The following TACC2 variants were observed in gnomAD, a reference collection of about 807,000 sequenced individuals.
TACC2 encodes transforming acidic coiled-coil containing protein 2.
In TACC2, 137 loss-of-function variants were observed where a neutral mutation model predicts 227.3. The ratio of observed to expected loss-of-function variants is 0.60; its 90% CI spans 0.52 to 0.69. TACC2 has a LOEUF of 0.69. TACC2 is among the 30% of genes least tolerant of loss of function. TACC2 has a pLI of 0.00. For missense variants in TACC2, 3,470 were observed against 3,694.4 expected (o/e 0.94, Z 1.57); for synonymous variants, 1,523 against 1,487.5 (o/e 1.02, Z -0.55).
chr10:121,993,523 T>C (rs893249147), intron 1 of TACC2, among the ~76,000 whole-genome samples: 1 of 152,242 alleles, frequency 6.6e-6, no homozygotes, highest in African/African-American at 2.4e-5. Context: ...TATTATAATG[T>C]AGCACATTGT....
rs541644002 is a variant in TACC2 at position 122,058,432 on chromosome 10, C to T, written c.146+7882C>T. On this transcript the variant is annotated intron_variant, in intron 3 of 22. Transcript: ENST00000369005. The stretch of plus-strand genomic sequence containing the variant: ...TATTATATATTTATTTATTTAGAGA[C>T]GGAGTCTCACTCTGTCGCCAGACAG... Among the ~76,000 whole-genome samples, 11 of 152,252 alleles carry T rather than the reference C, an allele frequency of 7.2e-5. No homozygotes were observed. In the South Asian group the frequency reaches 1.9e-3, roughly 26 times the overall value.
intron 5 of TACC2, among the ~76,000 whole-genome samples, chr10:122,113,802 C>T (rs1419297293): frequency 2.6e-5 from 4 of 152,234 alleles, no homozygotes; most frequent in Non-Finnish European, 5.9e-5. Flanking sequence ...CTTCGGGGAT[C>T]CGGCGCAACA....
rs760229129 is a variant in TACC2 at position 122,084,376 on chromosome 10, G to A, written c.1876G>A (p.Asp626Asn). The change falls in exon 4 of 23, where the codon GAC becomes AAC. Residue 626 changes from aspartate to asparagine, a missense_variant. Physicochemically the swap from Asp to Asn is conservative, Grantham distance 23. Coordinates refer to ENST00000369005, the MANE Select transcript of TACC2 (RefSeq NM_206862.4). ...SKPSSDAESR[D>N]HPSSHSAQPP... The stretch of plus-strand genomic sequence containing the variant: ...GCCAAGCAGTGATGCAGAGAGCAGA[G>A]ACCATCCCAGCTCACACTCAGCACA... 8 of 1,613,284 alleles carry A rather than the reference G, an allele frequency of 5.0e-6. No homozygotes were observed. The highest frequency in any genetic ancestry group is 2.2e-5 in the South Asian group (2 of 91,084).
intron 2 of TACC2, among the ~76,000 whole-genome samples, chr10:122,042,229 G>A (rs1036717995): frequency 4.6e-5 from 7 of 152,016 alleles, no homozygotes; most frequent in African/African-American, 9.7e-5. Flanking sequence ...ACAGGCGTAA[G>A]CCACTGCACA....
At chr10:122,224,828 C>T in intron 12 of TACC2, 41 bp downstream of exon 12, 1 of 1,566,716 alleles carries the variant, frequency 6.4e-7, no homozygotes, top group African/African-American at 1.4e-5. Flanking sequence ...GACTCGCTTT[C>T]CTGCCTTCAG....
intron 5 of TACC2, among the ~76,000 whole-genome samples, chr10:122,119,095 A>G (rs555243751): frequency 9.8e-5 from 15 of 152,294 alleles, no homozygotes; most frequent in Middle Eastern, 3.4e-3. Context: ...CATCTTGCCA[A>G]TCTGAACGAC....
intron 5 of TACC2, among the ~76,000 whole-genome samples, chr10:122,118,015 CTTTTTTTT>C (rs902640167): frequency 5.1e-5 from 7 of 138,556 alleles, no homozygotes; most frequent in Non-Finnish European, 7.9e-5. Flanking sequence ...TTCTCTTTTT[CTTTTTTTT>C]TTTTTTTTGA....
chr10:122,072,899 G>A (rs1378633611), intron 3 of TACC2, among the ~76,000 whole-genome samples: 2 of 151,848 alleles, frequency 1.3e-5, no homozygotes, highest in African/African-American at 4.8e-5. Flanking sequence ...AGATCATGAG[G>A]TCAGGAGATG....
intron 7 of TACC2, among the ~76,000 whole-genome samples, chr10:122,172,731 G>A (rs1407347022): frequency 2.6e-5 from 4 of 152,132 alleles, no homozygotes; most frequent in African/African-American, 7.2e-5. Context: ...GTCCTGGGGC[G>A]CAGGGCTGCT....
chr10:122,246,454 C>G (rs1250661829), intron 19 of TACC2: 2 of 152,206 alleles, frequency 1.3e-5, no homozygotes, highest in East Asian at 3.9e-4. Flanking sequence ...ACAAAATCTC[C>G]CTGCTACTAA....
chr10:122,070,047 TA>T (rs1344110322), intron 3 of TACC2, among the ~76,000 whole-genome samples: 1 of 152,142 alleles, frequency 6.6e-6, no homozygotes. Context: ...CAGTTTAGAT[TA>T]ATGGGATTAC....
chr10:121,997,865 A>G (rs569569925), intron 1 of TACC2, among the ~76,000 whole-genome samples: 1 of 152,244 alleles, frequency 6.6e-6, no homozygotes, highest in East Asian at 1.9e-4. Context: ...TCCCGATCCA[A>G]TGCTCTGAAT....
At chr10:122,060,952 C>A (rs1345231010) in intron 3 of TACC2, among the ~76,000 whole-genome samples, 4 of 136,274 alleles carry the variant, frequency 2.9e-5, no homozygotes, top group African/African-American at 1.1e-4. Context: ...TTGCAGTGAG[C>A]GAAGATCATG....
intron 8 of TACC2, among the ~76,000 whole-genome samples, chr10:122,198,693 C>A (rs867170341): frequency 6.6e-6 from 1 of 152,216 alleles, no homozygotes; most frequent in South Asian, 2.1e-4. Flanking sequence ...GTGTCAGAAC[C>A]CAGGCCTCCC....
At chr10:122,208,353 T>C (rs1013337141) in intron 8 of TACC2, among the ~76,000 whole-genome samples, 5 of 152,194 alleles carry the variant, frequency 3.3e-5, no homozygotes, top group Non-Finnish European at 7.3e-5. Context: ...TGAAGTTTTC[T>C]TGTGTTGTGA....
At chr10:122,163,597 G>A (rs974231028) in intron 7 of TACC2, 1 of 1,007,764 alleles carries the variant, frequency 9.9e-7, no homozygotes, top group Non-Finnish European at 1.2e-6. Flanking sequence ...CTGCCGGGGG[G>A]TTTAAGAGAA....
intron 7 of TACC2, among the ~76,000 whole-genome samples, chr10:122,164,468 A>C (rs1359712913): frequency 6.6e-6 from 1 of 152,166 alleles, no homozygotes; most frequent in African/African-American, 2.4e-5. Flanking sequence ...CCTAAGCATC[A>C]TCCACATACT....
At chr10:122,226,919 C>T (rs1053486835) in intron 13 of TACC2, among the ~76,000 whole-genome samples, 3 of 152,154 alleles carry the variant, frequency 2.0e-5, no homozygotes. Context: ...ACACTGTGGC[C>T]CAGCATTCAA....
chr10:122,203,777 A>G (rs958897891), intron 8 of TACC2, among the ~76,000 whole-genome samples: 1 of 152,108 alleles, frequency 6.6e-6, no homozygotes, highest in Non-Finnish European at 1.5e-5. Context: ...AGAGGCTGCA[A>G]TCTCTGCACT....
Sources: allele counts gnomAD v4.1 joint callset (sites outside exome capture counted in the v4.1 genomes callset), GRCh38; gene constraint gnomAD v4.1.1; transcripts MANE v1.5; gene names NCBI Gene and HGNC (gene_info 2026-07-23, HGNC 2026-07-21).